Variants in DOCK4 observed in about 807,000 individuals in gnomAD.
DOCK4 encodes dedicator of cytokinesis 4, also known as dedicator of cytokinesis protein 4.
A neutral mutation model predicts 268.1 loss-of-function variants in DOCK4; 97 were observed. The observed-to-expected ratio is 0.36, with a 90% confidence interval of 0.31 to 0.43. The LOEUF is 0.43. DOCK4 is among the 20% of genes least tolerant of loss of function. The probability of loss-of-function intolerance (pLI) is 1.00; values close to 1 mark genes in which losing one functional copy is unlikely to be tolerated. For synonymous variants in DOCK4, 954 were observed against 887.2 expected (o/e 1.08, Z -1.34); for missense variants, 2,145 against 2,455.7 (o/e 0.87, Z 2.67).
At chr7:112,010,334 G>T (rs1449584776) in intron 1 of DOCK4, among the ~76,000 whole-genome samples, 1 of 152,184 alleles carries the variant, frequency 6.6e-6, no homozygotes, top group Non-Finnish European at 1.5e-5. Flanking sequence ...GTCATTTGGA[G>T]ATTTCTTTTG....
At chr7:111,956,757 T>C (rs2134936800) in intron 8 of DOCK4, among the ~76,000 whole-genome samples, 1 of 152,286 alleles carries the variant, frequency 6.6e-6, no homozygotes, top group South Asian at 2.1e-4. Context: ...TCCCTTTAAA[T>C]ATGAAGTCTC....
intron 1 of DOCK4, among the ~76,000 whole-genome samples, chr7:112,039,386 T>C (rs1804155842): frequency 7.0e-6 from 1 of 142,632 alleles, no homozygotes; most frequent in Non-Finnish European, 1.5e-5. Context: ...GGGGGGGGGC[T>C]TAAAGATGCA....
chr7:112,127,225 T>C (rs1160886540), intron 1 of DOCK4, among the ~76,000 whole-genome samples: 5 of 151,598 alleles, frequency 3.3e-5, no homozygotes, highest in South Asian at 2.1e-4. Flanking sequence ...GAATACTATG[T>C]GGCCATAAAA....
intron 24 of DOCK4, 113 bp downstream of exon 24, chr7:111,846,885 TA>T: frequency 8.1e-7 from 1 of 1,238,854 alleles, no homozygotes; most frequent in South Asian, 2.3e-5. Context: ...CAGCTGGAAA[TA>T]AAAGTGGGTC....
chr7:112,004,771 C>T (rs1452345828), intron 1 of DOCK4, among the ~76,000 whole-genome samples: 3 of 152,162 alleles, frequency 2.0e-5, no homozygotes, highest in African/African-American at 7.2e-5. Flanking sequence ...CACACAGCCA[C>T]CACAATTCCC....
intron 26 of DOCK4, among the ~76,000 whole-genome samples, chr7:111,833,143 G>A (rs975359979): frequency 6.6e-6 from 1 of 152,112 alleles, no homozygotes; most frequent in African/African-American, 2.4e-5. Context: ...AGCTTCTAAC[G>A]AAAGTTAATA....
intron 47 of DOCK4, 135 bp from the exon 48 acceptor site, chr7:111,739,612 T>A (rs1399352293): frequency 5.7e-6 from 4 of 705,860 alleles, no homozygotes; most frequent in Non-Finnish European, 9.5e-6. Context: ...AAAATCTTAA[T>A]AACTTAGATT....
At chr7:111,937,896 T>C (rs945313424) in intron 11 of DOCK4, among the ~76,000 whole-genome samples, 2 of 152,216 alleles carry the variant, frequency 1.3e-5, no homozygotes, top group Non-Finnish European at 2.9e-5. Flanking sequence ...GTCTGCTTCA[T>C]GGGTTTGTTG....
intron 16 of DOCK4, among the ~76,000 whole-genome samples, chr7:111,887,087 T>C (rs181580481): frequency 2.2e-4 from 33 of 152,310 alleles, no homozygotes; most frequent in Non-Finnish European, 2.9e-5. Flanking sequence ...TACTCACCTC[T>C]GGTTTAAATT....
chr7:111,923,644 C>T (rs1011652747), intron 12 of DOCK4, among the ~76,000 whole-genome samples: 2 of 152,096 alleles, frequency 1.3e-5, no homozygotes, highest in Admixed American at 1.3e-4. Context: ...CTTTTATCTG[C>T]ACATTTTATC....
At chr7:111,745,502 G>A (rs1789287249) in intron 44 of DOCK4, among the ~76,000 whole-genome samples, 1 of 151,662 alleles carries the variant, frequency 6.6e-6, no homozygotes, top group African/African-American at 2.4e-5. Flanking sequence ...CTAACACAGT[G>A]AAACCCCGTC....
chr7:112,103,486 G>C (rs1043503962), intron 1 of DOCK4, among the ~76,000 whole-genome samples: 1 of 152,160 alleles, frequency 6.6e-6, no homozygotes, highest in African/African-American at 2.4e-5. Flanking sequence ...TATTTACTTA[G>C]GCAAATTAGG....
Position 111,783,884 on chromosome 7 carries a change from C to A in DOCK4, c.3497G>T (p.Arg1166Leu). Residue 1166 changes from arginine to leucine, a missense_variant, in exon 34 of 53, where the codon CGT becomes CTT. Physicochemically the swap from Arg to Leu is moderately radical, Grantham distance 102. Coordinates refer to ENST00000428084, the MANE Select transcript of DOCK4 (RefSeq NM_001363540.2). ...GTAATCTAACAACCTCTCCATTAGA[C>A]GAGTTACAGTAGCAATTAATGAAAC... is the stretch of plus-strand genomic sequence containing the variant. ...SGVSLIATVTRLMERLLDYRD... is the reference protein window; with the variant it reads ...SGVSLIATVTLLMERLLDYRD... 6.2e-7 allele frequency: 1 copy of A among 1,604,286 alleles called. No individual in the cohort carries two copies.
intron 30 of DOCK4, among the ~76,000 whole-genome samples, chr7:111,803,390 G>C (rs995121828): frequency 8.5e-5 from 13 of 152,148 alleles, no homozygotes; most frequent in Admixed American, 2.6e-4. Flanking sequence ...CATAGATTTA[G>C]TATACTTTCT....
intron 44 of DOCK4, among the ~76,000 whole-genome samples, chr7:111,745,115 G>C (rs1249904406): frequency 1.3e-5 from 2 of 152,064 alleles, no homozygotes; most frequent in African/African-American, 4.8e-5. Context: ...CTATCAATAG[G>C]GACACAGTAG....
At chr7:111,841,613 A>G (rs1268233534) in intron 25 of DOCK4, among the ~76,000 whole-genome samples, 2 of 152,144 alleles carry the variant, frequency 1.3e-5, no homozygotes, top group Non-Finnish European at 2.9e-5. Context: ...AAAGATGTCA[A>G]ATAATTTATG....
chr7:111,900,346 C>A, intron 15 of DOCK4, 28 bp downstream of exon 15: 1 of 1,607,072 alleles, frequency 6.2e-7, no homozygotes, highest in South Asian at 1.1e-5. Flanking sequence ...ACAATAGACA[C>A]AGGTAGCCAA....
intron 12 of DOCK4, among the ~76,000 whole-genome samples, chr7:111,920,081 T>C (rs1044030340): frequency 3.3e-5 from 5 of 151,958 alleles, no homozygotes; most frequent in African/African-American, 4.8e-5. Flanking sequence ...GTTGAACTCA[T>C]AGAAGCAGAG....
At chr7:111,752,578 GTTTTTTTTT>G (rs56037303) in intron 42 of DOCK4, among the ~76,000 whole-genome samples, 1 of 82,218 alleles carries the variant, frequency 1.2e-5, no homozygotes. Flanking sequence ...ATCAGCTTAG[GTTTTTTTTT>G]TTTTTTTTTT....
Sources: allele counts gnomAD v4.1 joint callset (sites outside exome capture counted in the v4.1 genomes callset), GRCh38; gene constraint gnomAD v4.1.1; transcripts MANE v1.5; gene names NCBI Gene and HGNC (gene_info 2026-07-23, HGNC 2026-07-21).